Variants in LDB3 observed in about 807,000 individuals in gnomAD.
LDB3 encodes the protein LIM domain-binding protein 3.
A neutral mutation model predicts 69.0 loss-of-function variants in LDB3; 49 were observed. The observed-to-expected ratio is 0.71, with a 90% CI of 0.56 to 0.90. LDB3 has a LOEUF of 0.90. Among genes scored for constraint, LDB3 ranks in the 40% least tolerant of loss-of-function variants. The pLI is 0.00. For missense variants in LDB3, 928 were observed against 974.1 expected, an observed-to-expected ratio of 0.95 and a Z score of 0.63; for synonymous variants, 387 against 396.2, an observed-to-expected ratio of 0.98 and a Z score of 0.28.
intron 5 of LDB3, among the ~76,000 whole-genome samples, chr10:86,688,921 T>C (rs536118818): frequency 1.2e-4 from 18 of 152,292 alleles, no homozygotes; most frequent in African/African-American, 4.3e-4. Flanking sequence ...GAAGGACGTT[T>C]CCCATCTCCC....
intron 3 of LDB3, 95 bp downstream of exon 3, chr10:86,679,613 C>G: frequency 7.2e-7 from 1 of 1,394,654 alleles, no homozygotes; most frequent in Non-Finnish European, 1.0e-6. Flanking sequence ...ATTGAGTGGG[C>G]CCCGCCCTGG....
At chr10:86,694,395 C>G (rs551766653) in intron 7 of LDB3, among the ~76,000 whole-genome samples, 1 of 152,174 alleles carries the variant, frequency 6.6e-6, no homozygotes, top group Non-Finnish European at 1.5e-5. Flanking sequence ...TTCGGAGCCT[C>G]TCCCCCAGCT....
At chr10:86,730,707 T>A (rs373002197) in intron 13 of LDB3, among the ~76,000 whole-genome samples, 1 of 152,200 alleles carries the variant, frequency 6.6e-6, no homozygotes, top group African/African-American at 2.4e-5. Context: ...ACCTACCTTA[T>A]AAGGTTTTCA....
chr10:86,679,149 G>C (rs560334221), intron 2 of LDB3, among the ~76,000 whole-genome samples: 140 of 152,324 alleles, frequency 9.2e-4, no homozygotes, highest in African/African-American at 3.2e-3. Context: ...GCCAGAGCTA[G>C]TCCCAAGGCT....
At chr10:86,671,057 C>G (rs772181051) in intron 2 of LDB3, among the ~76,000 whole-genome samples, 1 of 152,232 alleles carries the variant, frequency 6.6e-6, no homozygotes, top group Non-Finnish European at 1.5e-5. Context: ...AGGAACCCCA[C>G]TCCCACCCCA....
chr10:86,731,453 G>A (rs191420200), intron 13 of LDB3, among the ~76,000 whole-genome samples: 18 of 152,084 alleles, frequency 1.2e-4, no homozygotes, highest in Non-Finnish European at 2.2e-4. Flanking sequence ...TCAAACTCCT[G>A]ATCTCGTGGT....
At chr10:86,725,057 A>G (rs533444600) in intron 12 of LDB3, among the ~76,000 whole-genome samples, 1 of 152,356 alleles carries the variant, frequency 6.6e-6, no homozygotes, top group Admixed American at 6.5e-5. Flanking sequence ...CATACTATCC[A>G]CAAGAAGAAC....
rs769655532 is a variant in LDB3 at position 86,716,468 on chromosome 10, C to G, written c.1373C>G (p.Ala458Gly). 2 of 1,608,206 alleles carry G rather than the reference C, an allele frequency of 1.2e-6. No homozygotes were observed. The highest frequency in any genetic ancestry group is 1.7e-5 in the Admixed American group (1 of 59,478). Residue 458 changes from alanine to glycine, a missense_variant, in exon 10 of 14, where the codon GCA becomes GGA. Physicochemically the swap from Ala to Gly is moderately conservative, Grantham distance 60 (BLOSUM62 0). Coordinates refer to ENST00000361373, the MANE Select transcript of LDB3 (RefSeq NM_007078.3). ...GTCCCCACCTACACTCCATCCCCAG[C>G]ACCAGCCTATACCCCCTCACCTGCC... Reference protein sequence around the residue: ...SPVPTYTPSPAPAYTPSPAPN... With the variant: ...SPVPTYTPSPGPAYTPSPAPN...
chr10:86,677,033 T>C (rs1273401451), intron 2 of LDB3, among the ~76,000 whole-genome samples: 2 of 152,066 alleles, frequency 1.3e-5, no homozygotes, highest in Non-Finnish European at 2.9e-5. Context: ...GCCAGGAAGG[T>C]GACTGGGATG....
chr10:86,713,742 T>G (rs1005128178), intron 9 of LDB3, among the ~76,000 whole-genome samples: 2 of 152,182 alleles, frequency 1.3e-5, no homozygotes, highest in African/African-American at 4.8e-5. Flanking sequence ...GCAAAGTTGT[T>G]AGGGAGGGTG....
chr10:86,676,583 A>G, intron 2 of LDB3, among the ~76,000 whole-genome samples: 2 of 124,286 alleles, frequency 1.6e-5, no homozygotes, highest in African/African-American at 3.4e-5. Context: ...AAAAAAAGAG[A>G]AAGAAAAAAA....
At chr10:86,697,997 C>T (rs1233534521) in intron 7 of LDB3, among the ~76,000 whole-genome samples, 4 of 152,192 alleles carry the variant, frequency 2.6e-5, no homozygotes, top group African/African-American at 9.7e-5. Context: ...AACGAGGATA[C>T]TGACACTGAT....
intron 12 of LDB3, 100 bp from the exon 13 acceptor site, chr10:86,726,037 T>A: frequency 1.3e-6 from 1 of 759,870 alleles, no homozygotes; most frequent in Non-Finnish European, 2.4e-6. Flanking sequence ...CCAATTAGAT[T>A]TCACCCCCTG....
At position 86,668,578 on chromosome 10, in the gene LDB3, T is replaced by C. The variant is rs2803558; in HGVS notation, c.-24+8T>C. 0.69 allele frequency: 581,974 copies of C among 849,512 alleles called. 200,676 individuals are homozygous for C. Among genetic ancestry groups the C allele is most frequent in the African/African-American group, 0.82 (49,409 of 60,516 alleles). The allele number at this position is 849,512 out of a possible 1,614,324, so 52.6% of individuals were successfully genotyped here. A position where few individuals can be genotyped will look rare whatever the true frequency, so the allele number is the denominator to read the frequency against. ...CAGCAAGGGACAGAACAGGCAAGGCTGGGGGTCAGGGGCAGGGGCAGAGGT... is the reference window on the plus strand; with the variant it reads ...CAGCAAGGGACAGAACAGGCAAGGCCGGGGGTCAGGGGCAGGGGCAGAGGT... On this transcript the variant is annotated splice_region_variant and intron_variant, in intron 1 of 13. Transcript: ENST00000361373.
At chr10:86,702,458 G>A (rs1344200066) in intron 7 of LDB3, among the ~76,000 whole-genome samples, 1 of 152,222 alleles carries the variant, frequency 6.6e-6, no homozygotes, top group Non-Finnish European at 1.5e-5. Flanking sequence ...CCACCTTGAT[G>A]CTGACCAGAC....
chr10:86,686,973 C>A, intron 5 of LDB3: 3 of 1,116,442 alleles, frequency 2.7e-6, no homozygotes, highest in Non-Finnish European at 2.7e-6. Context: ...TCGACACCCA[C>A]CGCGCCCAGC....
rs77161610 is a variant in LDB3 at position 86,699,969 on chromosome 10, G to A, written c.897-6562G>A. 1.2e-3 allele frequency: 1,207 copies of A among 995,350 alleles called. 12 individuals carry two copies. The African/African-American group carries it at 0.019, about 16-fold the overall frequency. 61.7% of individuals were successfully genotyped at this position (995,350 alleles called of 1,614,324 possible). A position where few individuals can be genotyped will look rare whatever the true frequency, so the allele number is the denominator to read the frequency against. On this transcript the variant is annotated intron_variant, in intron 7 of 13. Transcript: ENST00000361373. The surrounding 1 kb of genome is among the most constrained non-coding windows in gnomAD (Gnocchi z 4.9). Reference sequence around the variant, plus strand: ...GGGCATGCACCCTCCTTTCTGTACCGTGTGTGCTGGCTCCATAGTTCTCTC... The same window carrying A: ...GGGCATGCACCCTCCTTTCTGTACCATGTGTGCTGGCTCCATAGTTCTCTC...
Position 86,726,303 on chromosome 10 carries a change from G to A in LDB3, c.2094+51G>A, listed in dbSNP as rs1163127846. 13 of 1,475,470 alleles carry A rather than the reference G, an allele frequency of 8.8e-6. No individual in the cohort carries two copies. In the Admixed American group the frequency reaches 2.2e-4, roughly 25 times the overall value. 91.4% of individuals were successfully genotyped at this position (1,475,470 alleles called of 1,614,324 possible). On this transcript the variant is annotated intron_variant, in intron 13 of 13. Transcript: ENST00000361373. ...CTTTCTGAGAAGAGGCAGGAGGGAG[G>A]AAGTGGGAGCCAGATGACCAACCTC...
At chr10:86,698,058 T>A (rs1846086523) in intron 7 of LDB3, among the ~76,000 whole-genome samples, 1 of 152,100 alleles carries the variant, frequency 6.6e-6, no homozygotes, top group Non-Finnish European at 1.5e-5. Context: ...ATGCCGCCTT[T>A]TTATAGCCAT....
Sources: allele counts gnomAD v4.1 joint callset (sites outside exome capture counted in the v4.1 genomes callset), GRCh38; gene constraint gnomAD v4.1.1; non-coding constraint Gnocchi (gnomAD v3.1); transcripts MANE v1.5; gene names NCBI Gene and HGNC (gene_info 2026-07-23, HGNC 2026-07-21).